Variants in CACNA2D1 observed in about 807,000 individuals in gnomAD.
CACNA2D1 encodes the protein voltage-dependent calcium channel subunit alpha-2/delta-1.
A neutral mutation model predicts 171.5 loss-of-function variants in CACNA2D1; 53 were observed. The observed-to-expected ratio is 0.31, with a 90% CI of 0.25 to 0.39. The LOEUF is 0.39. Among genes scored for constraint, CACNA2D1 ranks in the 10% least tolerant of loss-of-function variants. CACNA2D1 has a pLI of 1.00. For missense variants in CACNA2D1, 903 were observed against 1,299.8 expected (o/e 0.69, Z 4.69); for synonymous variants, 442 against 443.1 (o/e 1.00, Z 0.03).
At chr7:82,369,838 A>T (rs1822170430) in intron 1 of CACNA2D1, among the ~76,000 whole-genome samples, 1 of 152,236 alleles carries the variant, frequency 6.6e-6, no homozygotes, top group East Asian at 1.9e-4. Flanking sequence ...CAATTAAAAC[A>T]AAAAGAAAAC....
rs554882857 is a variant in CACNA2D1 at position 82,438,678 on chromosome 7, C to T, written c.95+4687G>A. ...AGCCTTGGGAACAGTCGTGGTACTG[C>T]TCACAGATAGTTCATGAAAAGAAAG... On this transcript the variant is annotated intron_variant, in intron 1 of 38. Transcript: ENST00000356860. Among the ~76,000 whole-genome samples, 29 of 152,262 alleles carry T rather than the reference C, an allele frequency of 1.9e-4. No homozygotes were observed. In the South Asian group the frequency reaches 6.0e-3, roughly 32 times the overall value.
At chr7:82,262,976 G>A (rs995474623) in intron 3 of CACNA2D1, among the ~76,000 whole-genome samples, 1 of 151,986 alleles carries the variant, frequency 6.6e-6, no homozygotes, top group African/African-American at 2.4e-5. Flanking sequence ...ATTAGATCAT[G>A]CCTTTTTGTC....
chr7:82,332,565 A>AGAAAGAAG (rs1491481168), intron 3 of CACNA2D1, among the ~76,000 whole-genome samples: 2 of 109,256 alleles, frequency 1.8e-5, no homozygotes, highest in East Asian at 2.3e-4. Flanking sequence ...AAAGAAAGAA[A>AGAAAGAAG]GAACGAACAG....
At chr7:82,224,045 A>G (rs79600287) in intron 3 of CACNA2D1, among the ~76,000 whole-genome samples, 1,848 of 152,064 alleles carry the variant, frequency 0.012, 25 homozygotes, top group Middle Eastern at 0.061. Context: ...CTTCACTTTC[A>G]TTACTTTAGG....
intron 3 of CACNA2D1, among the ~76,000 whole-genome samples, chr7:82,295,263 T>C (rs1483265206): frequency 6.6e-6 from 1 of 152,012 alleles, no homozygotes; most frequent in East Asian, 1.9e-4. Context: ...ACAGGTGGAA[T>C]AAGTTCAAGA....
chr7:82,345,798 C>G (rs191289236), intron 2 of CACNA2D1, among the ~76,000 whole-genome samples: 1 of 150,996 alleles, frequency 6.6e-6, no homozygotes, highest in East Asian at 2.0e-4. Context: ...GGACTGTTTT[C>G]CTATTTTTCT....
chr7:82,316,651 A>C (rs1314155043), intron 3 of CACNA2D1, among the ~76,000 whole-genome samples: 1 of 152,192 alleles, frequency 6.6e-6, no homozygotes, highest in Non-Finnish European at 1.5e-5. Context: ...CATGCTCCTA[A>C]TAAAGACATA....
chr7:82,380,940 C>G (rs985147378), intron 1 of CACNA2D1, among the ~76,000 whole-genome samples: 25 of 151,958 alleles, frequency 1.6e-4, no homozygotes, highest in African/African-American at 6.0e-4. Context: ...AGTGATCTGC[C>G]TGCCTTGGCC....
chr7:82,243,747 T>C (rs116624378), intron 3 of CACNA2D1, among the ~76,000 whole-genome samples: 1 of 152,214 alleles, frequency 6.6e-6, no homozygotes, highest in Non-Finnish European at 1.5e-5. Flanking sequence ...AGAAAACACA[T>C]GTAGTTTTCT....
At chr7:81,966,617 A>C (rs1794730985) in intron 31 of CACNA2D1, among the ~76,000 whole-genome samples, 1 of 151,224 alleles carries the variant, frequency 6.6e-6, no homozygotes, top group Non-Finnish European at 1.5e-5. Context: ...GAGCATCTTC[A>C]ACTTTTGAAC....
At chr7:82,274,530 T>C (rs547918114) in intron 3 of CACNA2D1, among the ~76,000 whole-genome samples, 1 of 152,298 alleles carries the variant, frequency 6.6e-6, no homozygotes, top group Admixed American at 6.5e-5. Context: ...TTACACTGTC[T>C]TCACTCTTGG....
Position 82,040,022 on chromosome 7 carries a change from T to A in CACNA2D1, c.880-1787A>T, listed in dbSNP as rs530953145. Among the ~76,000 whole-genome samples the A allele has an allele frequency of 5.3e-5, 8 of 152,280 alleles. No homozygotes were observed. In the South Asian group the frequency reaches 1.7e-3, roughly 32 times the overall value. On this transcript the variant is annotated intron_variant, in intron 10 of 38. Coordinates refer to ENST00000356860, the MANE Select transcript of CACNA2D1 (RefSeq NM_000722.4). ...TTGAATCTGGAATTTTAAGAGTGCA[T>A]CCTAGCTGCTGTGTGGAAAATGGAC...
At chr7:81,961,425 A>G (rs1218178791) in intron 36 of CACNA2D1, among the ~76,000 whole-genome samples, 1 of 152,012 alleles carries the variant, frequency 6.6e-6, no homozygotes, top group Non-Finnish European at 1.5e-5. Context: ...GAAGACTAGA[A>G]GTAAAAACAA....
At chr7:82,222,898 C>CTTTTTTTTTTTTTTTTTTTT (rs796527774) in intron 3 of CACNA2D1, among the ~76,000 whole-genome samples, 2 of 124,524 alleles carry the variant, frequency 1.6e-5, no homozygotes, top group Non-Finnish European at 3.6e-5. Context: ...TTCTTTCTTT[C>CTTTTTTTTTTTTTTTTTTTT]TTTTTTTTTT....
intron 2 of CACNA2D1, among the ~76,000 whole-genome samples, chr7:82,346,286 C>G (rs1278822434): frequency 6.6e-6 from 1 of 152,078 alleles, no homozygotes; most frequent in East Asian, 1.9e-4. Context: ...AGCCTGTACC[C>G]CAGCTTATAC....
chr7:82,194,104 T>C lies in CACNA2D1; in HGVS notation c.295-23495A>G, dbSNP rs1798613290. 4.6e-5 allele frequency among the ~76,000 whole-genome samples: 7 copies of C among 151,886 alleles called. No homozygotes were observed. The South Asian group carries it at 1.4e-3, about 31-fold the overall frequency. The stretch of plus-strand genomic sequence containing the variant: ...CTAAAGCTAAATGACTTTATTAGAG[T>C]AAGATTTCAAAGTAGCTGCTAAAAG... On this transcript the variant is annotated intron_variant, in intron 3 of 38. Coordinates refer to ENST00000356860, the MANE Select transcript of CACNA2D1 (RefSeq NM_000722.4).
intron 5 of CACNA2D1, among the ~76,000 whole-genome samples, chr7:82,133,955 C>T (rs905288979): frequency 5.9e-5 from 9 of 151,964 alleles, no homozygotes; most frequent in African/African-American, 2.2e-4. Context: ...CGCCTGTAGT[C>T]CCAGCTACTC....
intron 1 of CACNA2D1, among the ~76,000 whole-genome samples, chr7:82,354,037 G>A (rs1389504970): frequency 2.6e-5 from 4 of 152,008 alleles, no homozygotes; most frequent in Non-Finnish European, 5.9e-5. Context: ...CTTCTTCGCT[G>A]AAGACTCTCA....
chr7:82,022,561 G>C (rs1801360427), intron 12 of CACNA2D1, among the ~76,000 whole-genome samples: 1 of 151,722 alleles, frequency 6.6e-6, no homozygotes, highest in East Asian at 1.9e-4. Flanking sequence ...GCCAAGCAGA[G>C]ACATTAGATA....
Sources: allele counts gnomAD v4.1 joint callset (sites outside exome capture counted in the v4.1 genomes callset), GRCh38; gene constraint gnomAD v4.1.1; transcripts MANE v1.5; gene names NCBI Gene and HGNC (gene_info 2026-07-23, HGNC 2026-07-21).